The following IQGAP2 variants were observed in gnomAD, a reference collection of about 807,000 sequenced individuals.
The protein encoded by IQGAP2 is IQ motif containing GTPase activating protein 2, also known as ras GTPase-activating-like protein IQGAP2.
IQGAP2 carries 173 observed loss-of-function variants against 201.3 expected under a neutral mutation model. The observed-to-expected ratio is 0.86, with a 90% CI of 0.76 to 0.98. The LOEUF (loss-of-function observed/expected upper bound fraction) is 0.98, where lower values mean the gene tolerates loss of function less well. Ranked by LOEUF, IQGAP2 falls within the 50% of genes least tolerant of loss-of-function variation. The pLI, the probability that IQGAP2 is intolerant of heterozygous loss-of-function variation, is 0.00. For missense variants in IQGAP2, 1,687 were observed against 1,864.8 expected (o/e 0.90, Z 1.76); for synonymous variants, 675 against 673.9 (o/e 1.00, Z -0.03).
intron 2 of IQGAP2, among the ~76,000 whole-genome samples, chr5:76,513,888 G>C (rs576426487): frequency 6.6e-6 from 1 of 152,030 alleles, no homozygotes; most frequent in East Asian, 1.9e-4. Flanking sequence ...CTCATCCATT[G>C]TAACAAATGC....
chr5:76,439,506 A>G (rs1032191493), intron 1 of IQGAP2, among the ~76,000 whole-genome samples: 2 of 152,204 alleles, frequency 1.3e-5, no homozygotes, highest in African/African-American at 4.8e-5. Context: ...TAATAGTTTT[A>G]TGAAGCTGGG....
chr5:76,516,856 C>T (rs4438855), intron 2 of IQGAP2, among the ~76,000 whole-genome samples: 7,353 of 152,194 alleles, frequency 0.048, 254 homozygotes, highest in Middle Eastern at 0.092. Context: ...AGACTAGCTG[C>T]TATCTTAACT....
intron 5 of IQGAP2, among the ~76,000 whole-genome samples, chr5:76,580,277 AT>A: frequency 6.8e-6 from 1 of 146,110 alleles, no homozygotes. Context: ...CTCCATCTCA[AT>A]TAAAAGAAAA....
intron 1 of IQGAP2, among the ~76,000 whole-genome samples, chr5:76,409,536 C>T (rs1750994101): frequency 6.6e-6 from 1 of 152,110 alleles, no homozygotes; most frequent in African/African-American, 2.4e-5. Flanking sequence ...CATGAGCCAC[C>T]ATGCCCAGCC....
At chr5:76,418,393 A>G (rs1751534524) in intron 1 of IQGAP2, among the ~76,000 whole-genome samples, 1 of 151,936 alleles carries the variant, frequency 6.6e-6, no homozygotes, top group Admixed American at 6.6e-5. Flanking sequence ...AACAGAAGTT[A>G]ATAGTAAGAA....
intron 1 of IQGAP2, among the ~76,000 whole-genome samples, chr5:76,456,241 T>C (rs1168178405): frequency 6.6e-6 from 1 of 152,236 alleles, no homozygotes; most frequent in Non-Finnish European, 1.5e-5. Flanking sequence ...GCCATGTTTT[T>C]AACATGGGGG....
intron 2 of IQGAP2, among the ~76,000 whole-genome samples, chr5:76,467,350 C>G (rs1315555666): frequency 6.6e-6 from 1 of 152,104 alleles, no homozygotes; most frequent in Non-Finnish European, 1.5e-5. Context: ...AGACATGTCT[C>G]CAAAGAAGAT....
intron 35 of IQGAP2, among the ~76,000 whole-genome samples, chr5:76,706,701 C>T (rs1228655399): frequency 1.2e-4 from 19 of 152,210 alleles, no homozygotes; most frequent in Admixed American, 1.1e-3. Context: ...TGTGTTTTAA[C>T]ATTTTCGATT....
At chr5:76,471,281 T>C (rs970660130) in intron 2 of IQGAP2, among the ~76,000 whole-genome samples, 4 of 151,428 alleles carry the variant, frequency 2.6e-5, no homozygotes, top group Non-Finnish European at 5.9e-5. Context: ...TGATATTATA[T>C]TCCTTTTTTA....
At position 76,528,819 on chromosome 5, in the gene IQGAP2, C is replaced by T. The variant is rs7713936; in HGVS notation, c.147-33577C>T. On this transcript the variant is annotated intron_variant, in intron 2 of 35. Transcript: ENST00000274364. ...GCAAAGTTCTTGCTTTTTACTTTCACCCCTTCCTCATAGATGACTCTTTGC... is the reference window on the plus strand; with the variant it reads ...GCAAAGTTCTTGCTTTTTACTTTCATCCCTTCCTCATAGATGACTCTTTGC... Among the ~76,000 whole-genome samples, 1,062 of 152,286 alleles carry T rather than the reference C, an allele frequency of 7.0e-3. 15 individuals are homozygous for T. Among genetic ancestry groups the T allele is most frequent in the African/African-American group, 0.022 (931 of 41,572 alleles).
At chr5:76,685,071 G>T (rs900997418) in intron 30 of IQGAP2, among the ~76,000 whole-genome samples, 1 of 152,182 alleles carries the variant, frequency 6.6e-6, no homozygotes, top group Non-Finnish European at 1.5e-5. Context: ...TCTTACAGGG[G>T]TGGAGAGCAC....
intron 1 of IQGAP2, chr5:76,404,580 TTG>T (rs887592701): frequency 1.1e-3 from 793 of 753,700 alleles, no homozygotes; most frequent in Middle Eastern, 1.3e-3. Flanking sequence ...GGTGTTTTGT[TTG>T]TGTGTGTGTG....
rs773343308 is a variant in IQGAP2 at position 76,707,180 on chromosome 5, G to A, written c.4615-20G>A. 2 of 1,032,678 alleles carry A rather than the reference G, an allele frequency of 1.9e-6. No individual in the cohort carries two copies. The highest frequency in any genetic ancestry group is 2.0e-5 in the Admixed American group (1 of 51,278). The allele number at this position is 1,032,678 out of a possible 1,614,324, so 64.0% of individuals were successfully genotyped here. On this transcript the variant is annotated intron_variant, in intron 35 of 35. Coordinates refer to ENST00000274364, the MANE Select transcript of IQGAP2 (RefSeq NM_006633.5). ...CAAAATGTCAAAGTTGAGATTTAAT[G>A]ATGCTTTTTACAATTTCAGGATTTA...
Position 76,644,295 on chromosome 5 carries a change from C to CTTTTTTTTTTTTTT in IQGAP2, c.2094+3201_2094+3214dup, listed in dbSNP as rs547155944. Among the ~76,000 whole-genome samples, 79 of 47,770 alleles carry CTTTTTTTTTTTTTT rather than the reference C, an allele frequency of 1.7e-3. 15 individuals carry two copies. The highest frequency in any genetic ancestry group is 7.1e-3 in the East Asian group (15 of 2,124). The allele number at this position is 47,770 out of a possible 152,430, so 31.3% of individuals were successfully genotyped here. Reference sequence around the variant, plus strand: ...AATGAGACTGCCATTTTTGTAAATCCTTTTTTTTTTTTTTTTTTTTTTGAG... The same window carrying CTTTTTTTTTTTTTT: ...AATGAGACTGCCATTTTTGTAAATCCTTTTTTTTTTTTTTTTTTTTTTTTTTTTTTTTTTTTGAG... On this transcript the variant is annotated intron_variant, in intron 17 of 35. Coordinates refer to ENST00000274364, the MANE Select transcript of IQGAP2 (RefSeq NM_006633.5).
intron 5 of IQGAP2, among the ~76,000 whole-genome samples, chr5:76,582,785 C>G (rs1745964213): frequency 6.6e-6 from 1 of 151,716 alleles, no homozygotes; most frequent in Non-Finnish European, 1.5e-5. Context: ...TAGATAACAA[C>G]TACTACTACT....
chr5:76,546,548 C>G (rs1743109220), intron 2 of IQGAP2, among the ~76,000 whole-genome samples: 1 of 152,194 alleles, frequency 6.6e-6, no homozygotes, highest in Non-Finnish European at 1.5e-5. Flanking sequence ...TAGGAAACTC[C>G]TGTTATGTCG....
chr5:76,665,891 C>T (rs906729627), intron 22 of IQGAP2, among the ~76,000 whole-genome samples: 6 of 152,192 alleles, frequency 3.9e-5, no homozygotes, highest in Admixed American at 6.5e-5. Context: ...TAGAAATTAA[C>T]AAGCATCCTC....
intron 2 of IQGAP2, among the ~76,000 whole-genome samples, chr5:76,551,046 G>C (rs12513678): frequency 2.1e-5 from 3 of 141,514 alleles, no homozygotes; most frequent in Admixed American, 2.1e-4. Flanking sequence ...CTCACTTCCC[G>C]GACGGGGTGG....
At chr5:76,686,536 G>A (rs190165407) in intron 30 of IQGAP2, among the ~76,000 whole-genome samples, 20 of 152,102 alleles carry the variant, frequency 1.3e-4, no homozygotes, top group Admixed American at 2.6e-4. Flanking sequence ...TTGAGACAGC[G>A]TCTCGCTCTG....
Sources: gnomAD v4.1 joint callset for allele counts (sites outside exome capture counted in the v4.1 genomes callset) on GRCh38, gnomAD v4.1.1 for gene constraint, MANE v1.5 for transcripts, NCBI Gene and HGNC (gene_info 2026-07-23, HGNC 2026-07-21) for gene names.